The following ZDHHC11B variants were observed in gnomAD, a reference collection of about 807,000 sequenced individuals.
ZDHHC11B encodes zDHHC palmitoyltransferase 11B (putative), also known as probable palmitoyltransferase ZDHHC11B.
Under a neutral mutation model 42.3 loss-of-function variants are expected in ZDHHC11B, and 17 were observed. The ratio of observed to expected loss-of-function variants is 0.40; its 90% CI spans 0.27 to 0.60. The LOEUF (loss-of-function observed/expected upper bound fraction) is 0.60. Among genes scored for constraint, ZDHHC11B ranks in the 20% least tolerant of loss-of-function variants. The pLI, the probability that ZDHHC11B is intolerant of heterozygous loss-of-function variation, is 0.41. For synonymous variants in ZDHHC11B, 123 were observed against 193.5 expected (o/e 0.64, Z 3.02); for missense variants, 262 against 463.2 (o/e 0.57, Z 3.99).
In ZDHHC11B at chr5:756,812, C is replaced by T. The variant is rs1286047300; in HGVS notation, c.223-668G>A. The stretch of plus-strand genomic sequence containing the variant: ...CTACCCGCTCCCTCTAGACCCCAGA[C>T]GGCTCACTGACGGACCCTCTCCCCG... On this transcript the variant is annotated intron_variant, in intron 4 of 13. Transcript: ENST00000508859. Among the ~76,000 whole-genome samples, 52 of 151,738 alleles carry T rather than the reference C, an allele frequency of 3.4e-4. 1 individual carries two copies. Among genetic ancestry groups the T allele is most frequent in the Admixed American group, 2.4e-3 (36 of 15,192 alleles).
At chr5:716,400 C>G (rs1178097932) in intron 13 of ZDHHC11B, among the ~76,000 whole-genome samples, 1 of 151,752 alleles carries the variant, frequency 6.6e-6, no homozygotes, top group Admixed American at 6.6e-5. Context: ...AATGTTTGAG[C>G]AGAAAGCAGG....
Position 749,117 on chromosome 5 carries a change from A to C in ZDHHC11B, c.629-558T>G, listed in dbSNP as rs1478089269. Reference sequence around the variant, plus strand: ...AGCACCCACCCCTTCCTCACTAAGTACCAGGGTCACAGCGCCTGCTGGCTC... The same window carrying C: ...AGCACCCACCCCTTCCTCACTAAGTCCCAGGGTCACAGCGCCTGCTGGCTC... On this transcript the variant is annotated intron_variant, in intron 7 of 13. Coordinates refer to ENST00000508859, the MANE Select transcript of ZDHHC11B (RefSeq NM_001351303.2). 5.4e-5 allele frequency among the ~76,000 whole-genome samples: 6 copies of C among 110,760 alleles called. 2 individuals carry two copies. Among genetic ancestry groups the C allele is most frequent in the Non-Finnish European group, 1.1e-4 (6 of 55,868 alleles). 72.7% of individuals were successfully genotyped at this position (110,760 alleles called of 152,430 possible). A position where few individuals can be genotyped will look rare whatever the true frequency, so the allele number is the denominator to read the frequency against.
At chr5:757,071 G>A (rs139325341) in intron 4 of ZDHHC11B, among the ~76,000 whole-genome samples, 18 of 151,938 alleles carry the variant, frequency 1.2e-4, no homozygotes, top group African/African-American at 4.1e-4. Context: ...TCAGATACTG[G>A]CTCCCTCCTC....
chr5:754,086 C>A (rs1202428831), intron 6 of ZDHHC11B, among the ~76,000 whole-genome samples: 36 of 130,280 alleles, frequency 2.8e-4, no homozygotes, highest in African/African-American at 9.0e-4. Flanking sequence ...GAGCCTCCAC[C>A]GTGCTCAGGG....
At chr5:743,171 C>G (rs1278288565) in intron 9 of ZDHHC11B, among the ~76,000 whole-genome samples, 1 of 148,932 alleles carries the variant, frequency 6.7e-6, no homozygotes, top group Non-Finnish European at 1.5e-5. Flanking sequence ...GTCAATTGAC[C>G]ATAAATGAAA....
rs555714621 is a variant in ZDHHC11B at position 710,918 on chromosome 5, C to T, written c.*1372G>A. 2.4e-3 allele frequency: 78 copies of T among 32,690 alleles called. 1 individual carries two copies. The East Asian group carries it at 0.064, about 27-fold the overall frequency. The allele number at this position is 32,690 out of a possible 1,614,324, so 2.0% of individuals were successfully genotyped here. ...AGTACTGTGCTCCCATTTCCCAATG[C>T]TATGCTCCCATTTCCCAGTGCTGTG... On this transcript the variant is annotated 3_prime_UTR_variant, in exon 14 of 14. Coordinates refer to ENST00000508859, the MANE Select transcript of ZDHHC11B (RefSeq NM_001351303.2).
intron 1 of ZDHHC11B, among the ~76,000 whole-genome samples, 199 bp downstream of exon 1, chr5:784,469 C>G (rs1313068322): frequency 6.6e-6 from 1 of 152,254 alleles, no homozygotes; most frequent in Admixed American, 6.5e-5. Flanking sequence ...CGCGTCCTCG[C>G]ACCGAGCCCG....
chr5:722,519 A>C (rs978840926), intron 12 of ZDHHC11B, among the ~76,000 whole-genome samples: 3 of 151,548 alleles, frequency 2.0e-5, no homozygotes, highest in African/African-American at 7.3e-5. Context: ...TCGACTGTCA[A>C]TTCCAAGTGT....
Position 748,540 on chromosome 5 carries a change from C to T in ZDHHC11B, c.648G>A (p.Thr216=), listed in dbSNP as rs201388448. 8.5e-5 allele frequency: 116 copies of T among 1,364,460 alleles called. 25 individuals carry two copies. Among genetic ancestry groups the T allele is most frequent in the Non-Finnish European group, 1.1e-4 (113 of 1,024,964 alleles). 84.5% of individuals were successfully genotyped at this position (1,364,460 alleles called of 1,614,324 possible). ...PRYEDVKNMN[T]WLLFLPLFPV... ...GGAACAGGGGGAGGAACAGCAGCCACGTGTTCATATTCTTGACATCTGGGG... is the reference window on the plus strand; with the variant it reads ...GGAACAGGGGGAGGAACAGCAGCCATGTGTTCATATTCTTGACATCTGGGG... The change falls in exon 8 of 14, where the codon ACG becomes ACA. Residue 216 remains threonine, a synonymous_variant. Transcript: ENST00000508859.
At chr5:760,759 T>A (rs757618291) in intron 4 of ZDHHC11B, among the ~76,000 whole-genome samples, 1 of 151,778 alleles carries the variant, frequency 6.6e-6, no homozygotes, top group Non-Finnish European at 1.5e-5. Flanking sequence ...CAGAAAGCGA[T>A]ATGCCTGAGA....
chr5:754,600 G>GT (rs1339066690), intron 6 of ZDHHC11B, among the ~76,000 whole-genome samples: 1 of 127,494 alleles, frequency 7.8e-6, no homozygotes, highest in African/African-American at 2.6e-5. Flanking sequence ...ACCATGCTCA[G>GT]GGGAAACACC....
chr5:728,775 A>G (rs1169179637), intron 12 of ZDHHC11B, among the ~76,000 whole-genome samples: 1 of 151,846 alleles, frequency 6.6e-6, no homozygotes, highest in Non-Finnish European at 1.5e-5. Context: ...TAGTCCCAAC[A>G]CTTTAGGAGG....
chr5:783,885 CT>C (rs1737059607), intron 1 of ZDHHC11B, among the ~76,000 whole-genome samples: 2 of 148,812 alleles, frequency 1.3e-5, no homozygotes, highest in African/African-American at 5.0e-5. Context: ...AGCAGCCCCC[CT>C]AAACGCTTAT....
chr5:773,981 G>A (rs1736261310), intron 1 of ZDHHC11B, among the ~76,000 whole-genome samples: 1 of 152,054 alleles, frequency 6.6e-6, no homozygotes, highest in South Asian at 2.1e-4. Context: ...AGACCTCAGA[G>A]TGGGGCAGGC....
At chr5:750,367 G>A (rs1446621203) in intron 7 of ZDHHC11B, among the ~76,000 whole-genome samples, 1 of 136,060 alleles carries the variant, frequency 7.3e-6, no homozygotes, top group Non-Finnish European at 1.6e-5. Context: ...AGCTCCTGTG[G>A]CTCCGGGCGA....
intron 1 of ZDHHC11B, among the ~76,000 whole-genome samples, chr5:776,037 G>A (rs1244649974): frequency 1.3e-5 from 2 of 149,632 alleles, no homozygotes; most frequent in East Asian, 3.9e-4. Flanking sequence ...AGGCTCAGCT[G>A]GGTGTACTGC....
intron 11 of ZDHHC11B, among the ~76,000 whole-genome samples, chr5:733,481 C>G (rs1414854541): frequency 1.3e-5 from 2 of 151,686 alleles, no homozygotes; most frequent in African/African-American, 2.4e-5. Context: ...GGCATCTGCC[C>G]ATCACCGCAG....
chr5:748,231 GA>G (rs1297182403), intron 8 of ZDHHC11B, 172 bp downstream of exon 8: 1 of 628,684 alleles, frequency 1.6e-6, no homozygotes, highest in Non-Finnish European at 2.7e-6. Context: ...TTTTGTCCAT[GA>G]TCTCACTTCT....
chr5:748,308 G>T lies in ZDHHC11B; in HGVS notation c.784+96C>A, dbSNP rs1167423932. The stretch of plus-strand genomic sequence containing the variant: ...AAGACTCTGGCCCCAGGTGTGGGGG[G>T]CTCAGGGTTAGGGACATACTCAAGT... On this transcript the variant is annotated intron_variant, in intron 8 of 13. Transcript: ENST00000508859. 3.3e-6 allele frequency: 3 copies of T among 899,618 alleles called. 1 individual carries two copies. In the South Asian group the frequency reaches 5.5e-5, roughly 17 times the overall value. 55.7% of individuals were successfully genotyped at this position (899,618 alleles called of 1,614,324 possible).
Sources: allele counts gnomAD v4.1 joint callset (sites outside exome capture counted in the v4.1 genomes callset), GRCh38; gene constraint gnomAD v4.1.1; transcripts MANE v1.5; gene names NCBI Gene and HGNC (gene_info 2026-07-23, HGNC 2026-07-21).